Variants in CLUAP1 observed in about 807,000 individuals in gnomAD.
The protein encoded by CLUAP1 is intraflagellar transport 38.
Under a neutral mutation model 55.0 loss-of-function variants are expected in CLUAP1, and 50 were observed. That is an observed-to-expected ratio of 0.91 (90% CI 0.72 to 1.15). The LOEUF (loss-of-function observed/expected upper bound fraction) is 1.15, where lower values mean the gene tolerates loss of function less well. Ranked by LOEUF, CLUAP1 falls within the 50% of genes most tolerant of loss-of-function variation. The pLI, the probability that CLUAP1 is intolerant of heterozygous loss-of-function variation, is 0.00. For synonymous variants in CLUAP1, 195 were observed against 175.4 expected (o/e 1.11, Z -0.88); for missense variants, 530 against 507.6 (o/e 1.04, Z -0.42).
Position 3,537,275 on chromosome 16 carries a change from G to A in CLUAP1, c.*1004G>A, listed in dbSNP as rs1266006579. The A allele has an allele frequency of 6.6e-6, 1 of 152,188 alleles. No homozygotes were observed. Among genetic ancestry groups the A allele is most frequent in the African/African-American group, 2.4e-5 (1 of 41,442 alleles). The allele number at this position is 152,188 out of a possible 1,614,324, so 9.4% of individuals were successfully genotyped here. On this transcript the variant is annotated 3_prime_UTR_variant, in exon 12 of 12. Transcript: ENST00000576634. ...CTGATTTAAAAAAACAACAACACAG[G>A]ATTGAATTAAGTAGAGTAATAGCAC...
chr16:3,499,931 T>G (rs1398877370), upstream of CLUAP1, among the ~76,000 whole-genome samples: 1 of 152,098 alleles, frequency 6.6e-6, no homozygotes, highest in Non-Finnish European at 1.5e-5. Context: ...AAAGGGGCCC[T>G]GTCCACCTAG....
At chr16:3,503,575 C>T (rs984402499) in intron 1 of CLUAP1, among the ~76,000 whole-genome samples, 1 of 151,828 alleles carries the variant, frequency 6.6e-6, no homozygotes, top group Non-Finnish European at 1.5e-5. Flanking sequence ...AGATTACAGG[C>T]GTGAACCACC....
chr16:3,529,700 ATTATATATTATATAATATTAT>A (rs2038056007), intron 9 of CLUAP1, among the ~76,000 whole-genome samples: 24 of 26,924 alleles, frequency 8.9e-4, no homozygotes, highest in African/African-American at 4.2e-3. Flanking sequence ...TATATTATAT[ATTATATATTATATAATATTAT>A]ATATTATATA....
In CLUAP1 at chr16:3,532,964, G is replaced by A. The variant is rs74005830; in HGVS notation, c.1092+123G>A. 7.7e-3 allele frequency: 10,463 copies of A among 1,367,404 alleles called. 374 individuals are homozygous for A. The African/African-American group carries it at 0.099, about 13-fold the overall frequency. The allele number at this position is 1,367,404 out of a possible 1,614,324, so 84.7% of individuals were successfully genotyped here. A position where few individuals can be genotyped will look rare whatever the true frequency, so the allele number is the denominator to read the frequency against. On this transcript the variant is annotated intron_variant, in intron 11 of 11. Transcript: ENST00000576634. The stretch of plus-strand genomic sequence containing the variant: ...TCTATGGTCAGCCCGGCCGTGCCTC[G>A]ATGCGTGGCAGGGTTTGGCCTCATG...
chr16:3,495,551 C>T, the CLUAP1 span: 1 of 1,499,534 alleles, frequency 6.7e-7, no homozygotes, highest in Admixed American at 2.1e-5. Context: ...GGGAAGACTC[C>T]CAGCCTTCCT....
intron 9 of CLUAP1, among the ~76,000 whole-genome samples, chr16:3,529,700 A>G (rs868484755): frequency 4.8e-4 from 13 of 26,946 alleles, no homozygotes; most frequent in African/African-American, 2.6e-3. Flanking sequence ...TATATTATAT[A>G]TTATATATTA....
At chr16:3,499,686 C>G (rs2037351950), upstream of CLUAP1, among the ~76,000 whole-genome samples, 2 of 152,204 alleles carry the variant, frequency 1.3e-5, no homozygotes, top group South Asian at 4.1e-4. Context: ...GTCTCTTTAT[C>G]AGATATGTGT....
intron 3 of CLUAP1, among the ~76,000 whole-genome samples, chr16:3,507,680 TTGTGTGTGTGTG>T (rs61672090): frequency 0.031 from 4,375 of 143,076 alleles, 112 homozygotes; most frequent in East Asian, 0.041. Context: ...CTTCCAGAGT[TTGTGTGTGTGTG>T]TGTGTGTGTG....
intron 7 of CLUAP1, 39 bp from the exon 8 acceptor site, chr16:3,523,118 AT>A: frequency 6.4e-7 from 1 of 1,559,670 alleles, no homozygotes; most frequent in Admixed American, 1.9e-5. Flanking sequence ...ACTACTGCAT[AT>A]AATTCACCTT....
At chr16:3,501,124 C>T in intron 1 of CLUAP1, 35 bp downstream of exon 1, 1 of 1,571,580 alleles carries the variant, frequency 6.4e-7, no homozygotes, top group Non-Finnish European at 8.6e-7. Context: ...ACCTGCGGGT[C>T]TTCCAGAGAT....
chr16:3,530,599 G>A lies in CLUAP1; in HGVS notation c.960G>A (p.Glu320=). ...ATGACTCGGACATAGACATCCAGGAGGACGATGAATCCGACAGTGAGTTGG... is the reference window on the plus strand; with the variant it reads ...ATGACTCGGACATAGACATCCAGGAAGACGATGAATCCGACAGTGAGTTGG... ...SNDDSDIDIQ[E]DDESDSELEE... is the part of the protein sequence containing the mutation. The change falls in exon 10 of 12, where the codon GAG becomes GAA. Residue 320 remains glutamate (E), a synonymous_variant. Coordinates refer to ENST00000576634, the MANE Select transcript of CLUAP1 (RefSeq NM_015041.3). 1 of 1,614,044 alleles carries A rather than the reference G, an allele frequency of 6.2e-7. No homozygotes were observed. The highest frequency in any genetic ancestry group is 2.2e-5 in the East Asian group (1 of 44,876).
chr16:3,498,375 C>T (rs182004826), upstream of CLUAP1, among the ~76,000 whole-genome samples: 5 of 152,146 alleles, frequency 3.3e-5, no homozygotes, highest in Middle Eastern at 3.4e-3. Context: ...AATGTTTTAC[C>T]AGCTATCAGG....
intron 8 of CLUAP1, among the ~76,000 whole-genome samples, chr16:3,525,851 GCCA>G (rs1431253398): frequency 6.6e-6 from 1 of 152,148 alleles, no homozygotes; most frequent in Non-Finnish European, 1.5e-5. Flanking sequence ...ACAGGTGTGA[GCCA>G]CCACGCCCAG....
upstream of CLUAP1, among the ~76,000 whole-genome samples, chr16:3,500,085 GGC>G (rs1474521459): frequency 1.3e-5 from 2 of 152,236 alleles, no homozygotes. Flanking sequence ...TGCCACGCCT[GGC>G]GGGGCATCTC....
intron 5 of CLUAP1, 43 bp from the exon 6 acceptor site, chr16:3,515,465 T>A (rs772747047): frequency 1.4e-6 from 2 of 1,403,796 alleles, no homozygotes; most frequent in African/African-American, 2.9e-5. Flanking sequence ...TTTTGAGAAC[T>A]CCTTTTCTGA....
chr16:3,520,444 C>G (rs1033936465), intron 7 of CLUAP1, among the ~76,000 whole-genome samples: 1 of 152,032 alleles, frequency 6.6e-6, no homozygotes, highest in Admixed American at 6.6e-5. Flanking sequence ...GTGATCTTAA[C>G]TCTTCTCAAG....
intron 4 of CLUAP1, among the ~76,000 whole-genome samples, chr16:3,509,714 TGG>T (rs1458314074): frequency 1.3e-5 from 2 of 152,226 alleles, no homozygotes; most frequent in Non-Finnish European, 2.9e-5. Flanking sequence ...CACAGTGCAC[TGG>T]CTGAGCTCCA....
At chr16:3,499,861 C>A (rs1208835793), upstream of CLUAP1, among the ~76,000 whole-genome samples, 1 of 152,222 alleles carries the variant, frequency 6.6e-6, no homozygotes, top group African/African-American at 2.4e-5. Flanking sequence ...GCCACGTAAT[C>A]AATGCGAACT....
At chr16:3,533,201 C>T (rs1275881163) in intron 11 of CLUAP1, 2 of 1,472,824 alleles carry the variant, frequency 1.4e-6, no homozygotes, top group Non-Finnish European at 1.8e-6. Flanking sequence ...GTCTGTCAGC[C>T]CTCCCGGGGC....
Sources: allele counts gnomAD v4.1 joint callset (sites outside exome capture counted in the v4.1 genomes callset), GRCh38; gene constraint gnomAD v4.1.1; transcripts MANE v1.5; gene names NCBI Gene and HGNC (gene_info 2026-07-23, HGNC 2026-07-21).